CFAP57: variants seen among roughly 807,000 people sequenced by gnomAD.
CFAP57 encodes the protein cilia- and flagella-associated protein 57.
In CFAP57, 116 loss-of-function variants were observed where a neutral mutation model predicts 146.8. The observed-to-expected ratio is 0.79, with a 90% CI of 0.68 to 0.92. The LOEUF (loss-of-function observed/expected upper bound fraction) is 0.92, where lower values mean the gene tolerates loss of function less well. Ranked by LOEUF, CFAP57 falls within the 40% of genes least tolerant of loss-of-function variation. The probability of loss-of-function intolerance (pLI) is 0.00; values close to 1 mark genes in which losing one functional copy is unlikely to be tolerated. For missense variants in CFAP57, 1,377 were observed against 1,527.2 expected (o/e 0.90, Z 1.64); for synonymous variants, 518 against 552.8 (o/e 0.94, Z 0.88).
intron 6 of CFAP57, among the ~76,000 whole-genome samples, chr1:43,191,554 T>G (rs1569942694): frequency 7.5e-6 from 1 of 133,448 alleles, no homozygotes; most frequent in Non-Finnish European, 1.5e-5. Context: ...GCCACTGCAC[T>G]CCAGCATGGG....
intron 22 of CFAP57, 62 bp from the exon 23 acceptor site, chr1:43,253,915 G>A: frequency 7.1e-7 from 1 of 1,418,262 alleles, no homozygotes; most frequent in Non-Finnish European, 9.7e-7. Flanking sequence ...AGGGAGGAGG[G>A]GAGGATCGGC....
intron 18 of CFAP57, among the ~76,000 whole-genome samples, chr1:43,230,545 C>T (rs1012744346): frequency 6.6e-6 from 1 of 152,070 alleles, no homozygotes; most frequent in Non-Finnish European, 1.5e-5. Flanking sequence ...CCTCCCCTCT[C>T]CCCCCTCTTC....
intron 18 of CFAP57, among the ~76,000 whole-genome samples, chr1:43,231,065 G>A (rs1645447683): frequency 6.6e-6 from 1 of 152,106 alleles, no homozygotes; most frequent in African/African-American, 2.4e-5. Context: ...CTCTTTTCGT[G>A]TCCCTCACTA....
intron 9 of CFAP57, among the ~76,000 whole-genome samples, chr1:43,206,136 A>G (rs1039630572): frequency 6.6e-6 from 1 of 151,846 alleles, no homozygotes; most frequent in Non-Finnish European, 1.5e-5. Flanking sequence ...TATTATTTTT[A>G]TTTTTATAAA....
intron 22 of CFAP57, among the ~76,000 whole-genome samples, chr1:43,243,757 C>G (rs1646014325): frequency 6.6e-6 from 1 of 152,158 alleles, no homozygotes; most frequent in Non-Finnish European, 1.5e-5. Flanking sequence ...GTTTTTAGAT[C>G]TTCTTGCATT....
intron 22 of CFAP57, among the ~76,000 whole-genome samples, chr1:43,253,555 C>T (rs1474426651): frequency 1.3e-5 from 2 of 152,128 alleles, no homozygotes; most frequent in African/African-American, 4.8e-5. Flanking sequence ...GTGGACACAC[C>T]TGGAGAGGCA....
At chr1:43,221,488 C>T (rs1645040915) in intron 14 of CFAP57, 23 bp downstream of exon 14, 1 of 1,468,610 alleles carries the variant, frequency 6.8e-7, no homozygotes, top group East Asian at 2.5e-5. Flanking sequence ...GTAGAGGCCT[C>T]GTTGGTTAGG....
At chr1:43,174,277 C>G (rs1645086939) in intron 2 of CFAP57, among the ~76,000 whole-genome samples, 1 of 152,064 alleles carries the variant, frequency 6.6e-6, no homozygotes, top group South Asian at 2.1e-4. Context: ...TTAATAAAGT[C>G]AAATTTATCA....
In CFAP57 at chr1:43,209,762, C is replaced by T. The variant is rs377411956; in HGVS notation, c.1775C>T (p.Ala592Val). 20 of 1,614,026 alleles carry T rather than the reference C, an allele frequency of 1.2e-5. No homozygotes were observed. The highest frequency in any genetic ancestry group is 3.3e-5 in the Admixed American group (2 of 60,008). The change falls in exon 11 of 23, where the codon GCG becomes GTG. Residue 592 changes from alanine (A) to valine (V), a missense_variant. Transcript: ENST00000372492. ...ADSLILREIS[A>V]FDVTYTAIVI... ...TCTCAGATCCTTCGAGAGATATCGG[C>T]GTTTGATGTCACCTACACCGCCATT...
rs982306219 is a variant in CFAP57, at chr1:43,234,495, G to A, written c.3262G>A (p.Val1088Met). The change falls in exon 21 of 23, where the codon GTG (valine) becomes ATG (methionine). Residue 1088 changes from valine (V) to methionine (M), a missense_variant and splice_region_variant. Val to Met is a conservative substitution (Grantham distance 21). Transcript: ENST00000372492. ...CTGAGAATCTCCTGGGCCCCGTCAG[G>A]TGGAGATCGCAGGGCTGAACACAGA... ...FEKYVQRADM[V>M]EIAGLNTDLQ... The A allele has an allele frequency of 1.3e-6, 2 of 1,548,238 alleles. No individual in the cohort carries two copies. The highest frequency in any genetic ancestry group is 3.9e-5 in the Admixed American group (2 of 50,876).
chr1:43,173,131 T>C (rs906899533), intron 2 of CFAP57, among the ~76,000 whole-genome samples: 7 of 152,250 alleles, frequency 4.6e-5, no homozygotes, highest in Non-Finnish European at 7.3e-5. Flanking sequence ...TTAAAAGTAC[T>C]TTTTTCACTG....
chr1:43,227,277 CAG>C (rs146573537), intron 18 of CFAP57, among the ~76,000 whole-genome samples, 151 bp downstream of exon 18: 2,823 of 152,338 alleles, frequency 0.019, 79 homozygotes, highest in African/African-American at 0.062. Flanking sequence ...AGGGGTGCAA[CAG>C]GGAAGGCCGT....
chr1:43,226,416 C>G (rs1452619542), intron 17 of CFAP57, among the ~76,000 whole-genome samples: 2 of 152,152 alleles, frequency 1.3e-5, no homozygotes, highest in Non-Finnish European at 2.9e-5. Flanking sequence ...TCAGCTGGGT[C>G]TTTTGATCAG....
chr1:43,236,050 AG>A, intron 21 of CFAP57, among the ~76,000 whole-genome samples: 1 of 137,436 alleles, frequency 7.3e-6, no homozygotes, highest in East Asian at 2.2e-4. Context: ...GTGCTGGGCC[AG>A]GGTGGGGTAG....
At chr1:43,186,923 C>G in intron 6 of CFAP57, 64 bp downstream of exon 6, 1 of 1,596,322 alleles carries the variant, frequency 6.3e-7, no homozygotes, top group East Asian at 2.2e-5. Context: ...GGACTAGTCA[C>G]CATGTGGGCA....
At chr1:43,250,756 T>C (rs1040784104) in intron 22 of CFAP57, among the ~76,000 whole-genome samples, 5 of 152,114 alleles carry the variant, frequency 3.3e-5, no homozygotes, top group African/African-American at 1.2e-4. Context: ...TGAGAGGAGC[T>C]GATCCCACTG....
At chr1:43,249,768 G>A (rs1407657004) in intron 22 of CFAP57, among the ~76,000 whole-genome samples, 1 of 151,792 alleles carries the variant, frequency 6.6e-6, no homozygotes, top group Admixed American at 6.6e-5. Context: ...AATAGCCAGT[G>A]AACATCAGGT....
chr1:43,178,334 C>G (rs1410128047), intron 2 of CFAP57, among the ~76,000 whole-genome samples: 5 of 152,136 alleles, frequency 3.3e-5, no homozygotes, highest in African/African-American at 1.2e-4. Context: ...AAGAAACTAC[C>G]ATTAGAGTGA....
intron 22 of CFAP57, among the ~76,000 whole-genome samples, chr1:43,245,374 T>C (rs1036709228): frequency 2.0e-5 from 3 of 151,456 alleles, no homozygotes; most frequent in African/African-American, 7.3e-5. Flanking sequence ...CTAACAAATA[T>C]TCATTTGAGA....
Sources: gnomAD v4.1 joint callset for allele counts (sites outside exome capture counted in the v4.1 genomes callset) on GRCh38, gnomAD v4.1.1 for gene constraint, MANE v1.5 for transcripts, NCBI Gene and HGNC (gene_info 2026-07-23, HGNC 2026-07-21) for gene names.